Variants in CLSTN1 observed in about 807,000 individuals in gnomAD.
CLSTN1 encodes the protein calsyntenin-1.
In CLSTN1, 28 loss-of-function variants were observed where a neutral mutation model predicts 108.3. The observed-to-expected ratio is 0.26, with a 90% CI of 0.19 to 0.35. The LOEUF (loss-of-function observed/expected upper bound fraction) is 0.35, where lower values mean the gene tolerates loss of function less well. Among genes scored for constraint, CLSTN1 ranks in the 10% least tolerant of loss-of-function variants. CLSTN1 has a pLI of 1.00. For synonymous variants in CLSTN1, 524 were observed against 534.9 expected (o/e 0.98, Z 0.28); for missense variants, 1,157 against 1,302.6 (o/e 0.89, Z 1.72).
At chr1:9,770,467 A>T (rs1043549246) in intron 2 of CLSTN1, among the ~76,000 whole-genome samples, 38 of 152,238 alleles carry the variant, frequency 2.5e-4, no homozygotes, top group African/African-American at 8.9e-4. Context: ...TTAAAGATGT[A>T]GCTACGTCAT....
chr1:9,815,985 G>C (rs1267841997), intron 1 of CLSTN1, among the ~76,000 whole-genome samples: 1 of 151,958 alleles, frequency 6.6e-6, no homozygotes, highest in Non-Finnish European at 1.5e-5. Flanking sequence ...GTTACCCTAA[G>C]ACCCAACAAT....
chr1:9,747,357 C>T (rs959572501), intron 7 of CLSTN1, among the ~76,000 whole-genome samples: 1 of 151,890 alleles, frequency 6.6e-6, no homozygotes, highest in Non-Finnish European at 1.5e-5. Context: ...TGTGCCAGAC[C>T]TCCTTACTTA....
At chr1:9,742,180 A>C (rs990861981) in intron 9 of CLSTN1, among the ~76,000 whole-genome samples, 3 of 152,080 alleles carry the variant, frequency 2.0e-5, no homozygotes, top group Non-Finnish European at 4.4e-5. Context: ...CTGAACATTG[A>C]CTGGCTATTT....
At chr1:9,798,231 C>T (rs964814778) in intron 1 of CLSTN1, among the ~76,000 whole-genome samples, 68 of 151,964 alleles carry the variant, frequency 4.5e-4, no homozygotes, top group Admixed American at 3.3e-3. Flanking sequence ...ATATTCCACT[C>T]CCAGGTATAC....
At position 9,745,513 on chromosome 1, in the gene CLSTN1, C is replaced by G. The variant is rs575943977; in HGVS notation, c.986-870G>C. 7.2e-5 allele frequency among the ~76,000 whole-genome samples: 11 copies of G among 151,852 alleles called. No individual in the cohort carries two copies. In the East Asian group the frequency reaches 2.0e-3, roughly 27 times the overall value. ...CAATACAAAAAACACAAAAATTAGC[C>G]AGGTGTGGTGGTGCATCCCTGTAGT... On this transcript the variant is annotated intron_variant, in intron 7 of 18. Transcript: ENST00000377298.
chr1:9,811,519 G>T (rs1013004353), intron 1 of CLSTN1, among the ~76,000 whole-genome samples: 1 of 145,528 alleles, frequency 6.9e-6, no homozygotes, highest in South Asian at 2.5e-4. Flanking sequence ...AATCAGTCAG[G>T]ATTATCAAGG....
chr1:9,812,129 T>C (rs1423260325), intron 1 of CLSTN1, among the ~76,000 whole-genome samples: 2 of 152,088 alleles, frequency 1.3e-5, no homozygotes, highest in Admixed American at 6.6e-5. Context: ...AGAGCAAGAC[T>C]CCGTCTCAAA....
intron 1 of CLSTN1, among the ~76,000 whole-genome samples, chr1:9,805,896 G>T (rs939813651): frequency 6.7e-6 from 1 of 148,326 alleles, no homozygotes; most frequent in Non-Finnish European, 1.5e-5. Context: ...AGTTATTTAA[G>T]TCACCATGCA....
chr1:9,756,065 T>G (rs1404372107), intron 3 of CLSTN1, among the ~76,000 whole-genome samples: 1 of 152,176 alleles, frequency 6.6e-6, no homozygotes, highest in Non-Finnish European at 1.5e-5. Context: ...GCTCACAACT[T>G]AATTAGGAGT....
At chr1:9,732,259 C>T (rs1234731056) in intron 16 of CLSTN1, among the ~76,000 whole-genome samples, 1 of 152,150 alleles carries the variant, frequency 6.6e-6, no homozygotes, top group South Asian at 2.1e-4. Context: ...TATTCACAAG[C>T]ATGATCACGG....
chr1:9,731,487 A>G, intron 17 of CLSTN1, 97 bp from the exon 18 acceptor site: 1 of 1,306,086 alleles, frequency 7.7e-7, no homozygotes, highest in Non-Finnish European at 1.1e-6. Context: ...AACGGGCTGG[A>G]CAGCACGCTT....
At chr1:9,775,067 A>C (rs1652871238) in intron 1 of CLSTN1, among the ~76,000 whole-genome samples, 1 of 152,126 alleles carries the variant, frequency 6.6e-6, no homozygotes, top group Non-Finnish European at 1.5e-5. Context: ...GACGACCAGA[A>C]GTCACTTTTG....
At chr1:9,800,554 C>T (rs1218973973) in intron 1 of CLSTN1, among the ~76,000 whole-genome samples, 1 of 109,852 alleles carries the variant, frequency 9.1e-6, no homozygotes, top group East Asian at 3.0e-4. Context: ...CCCGTCTCCA[C>T]TAGAAAAAAA....
intron 1 of CLSTN1, chr1:9,781,020 A>G: frequency 2.0e-6 from 1 of 502,904 alleles, no homozygotes; most frequent in South Asian, 2.8e-5. Context: ...ATTTTGGAGC[A>G]TTTCACATTT....
In CLSTN1 at chr1:9,730,418, T is replaced by C. The variant is rs927398463; in HGVS notation, c.*90A>G. 7.8e-7 allele frequency: 1 copy of C among 1,283,216 alleles called. No homozygotes were observed. The highest frequency in any genetic ancestry group is 1.7e-5 in the Admixed American group (1 of 58,286). 79.5% of individuals were successfully genotyped at this position (1,283,216 alleles called of 1,614,324 possible). Reference sequence around the variant, plus strand: ...GGGTCTGCACACCTACTGGCCGAAATGACTTTGTACATCGTGGACCCTTGG... The same window carrying C: ...GGGTCTGCACACCTACTGGCCGAAACGACTTTGTACATCGTGGACCCTTGG... On this transcript the variant is annotated 3_prime_UTR_variant, in exon 19 of 19. Transcript: ENST00000377298. The surrounding 1 kb of genome is among the most constrained non-coding windows in gnomAD (Gnocchi z 5.6).
In CLSTN1 at chr1:9,796,279, AAAAAACAAAACAAAAC is replaced by A. The variant is rs1300434457; in HGVS notation, c.92-22901_92-22886del. Among the ~76,000 whole-genome samples, 761 of 138,440 alleles carry A rather than the reference AAAAAACAAAACAAAAC, an allele frequency of 5.5e-3. 10 individuals are homozygous for A. The highest frequency in any genetic ancestry group is 0.02 in the African/African-American group (738 of 37,250). 90.8% of individuals were successfully genotyped at this position (138,440 alleles called of 152,430 possible). On this transcript the variant is annotated intron_variant, in intron 1 of 18. Coordinates refer to ENST00000377298, the MANE Select transcript of CLSTN1 (RefSeq NM_001009566.3). Reference sequence around the variant, plus strand: ...TGTCTCCAAAAACAAAAAAAAAAACAAAAAACAAAACAAAACAAAAAAAAAAAAACAGGCATTTGAC... The same window carrying A: ...TGTCTCCAAAAACAAAAAAAAAAACAAAAAAAAAAAAAACAGGCATTTGAC...
chr1:9,731,531 G>A (rs1650392132), intron 17 of CLSTN1, 141 bp from the exon 18 acceptor site: 1 of 1,048,236 alleles, frequency 9.5e-7, no homozygotes, highest in Non-Finnish European at 1.4e-6. Context: ...GAAATACCAG[G>A]AAAAGCTCGC....
At chr1:9,778,710 G>C (rs1653078178) in intron 1 of CLSTN1, among the ~76,000 whole-genome samples, 1 of 152,114 alleles carries the variant, frequency 6.6e-6, no homozygotes, top group African/African-American at 2.4e-5. Flanking sequence ...TGAAACAAGA[G>C]ACTGGCTAAG....
In CLSTN1 at chr1:9,730,578, TC is replaced by T; in HGVS notation, c.2875del (p.Glu959SerfsTer58). The T allele has an allele frequency of 6.2e-7, 1 of 1,608,816 alleles. No individual in the cohort carries two copies. ...GGTTGCGTTCTGGGGGTCGCCCTGC[TC>T]CCCCTCCTCCTCCTCGCTGCTCTCC... ...ESESSEEEEG[E>X]QGDPQNATRQ... On this transcript the variant is annotated frameshift_variant, in exon 19 of 19. Coordinates refer to ENST00000377298, the MANE Select transcript of CLSTN1 (RefSeq NM_001009566.3). LOFTEE classifies it high-confidence loss of function. This position sits in a 1 kb window ranked among gnomAD's most constrained non-coding sequence, Gnocchi z 5.6.
Sources: gnomAD v4.1 joint callset for allele counts (sites outside exome capture counted in the v4.1 genomes callset) on GRCh38, gnomAD v4.1.1 for gene constraint, Gnocchi (gnomAD v3.1) non-coding constraint, MANE v1.5 for transcripts, NCBI Gene and HGNC (gene_info 2026-07-23, HGNC 2026-07-21) for gene names.